The following RIMS1 variants were observed in gnomAD, a reference collection of about 807,000 sequenced individuals.
RIMS1 encodes the protein regulating synaptic membrane exocytosis 1.
Under a neutral mutation model 214.1 loss-of-function variants are expected in RIMS1, and 83 were observed. That is an observed-to-expected ratio of 0.39 (90% CI 0.32 to 0.47). RIMS1 has a LOEUF of 0.47. Among genes scored for constraint, RIMS1 ranks in the 20% least tolerant of loss-of-function variants. RIMS1 has a pLI of 0.99. For missense variants in RIMS1, 2,050 were observed against 2,161.8 expected (o/e 0.95, Z 1.03); for synonymous variants, 793 against 786.8 (o/e 1.01, Z -0.13).
chr6:72,341,428 A>G (rs932437184), intron 29 of RIMS1, among the ~76,000 whole-genome samples: 16 of 151,844 alleles, frequency 1.1e-4, no homozygotes, highest in African/African-American at 3.4e-4. Context: ...CAGATCTCAA[A>G]TCAAATAAGC....
At chr6:72,160,424 A>T (rs1335146224) in intron 4 of RIMS1, among the ~76,000 whole-genome samples, 1 of 139,508 alleles carries the variant, frequency 7.2e-6, no homozygotes, top group Non-Finnish European at 1.6e-5. Flanking sequence ...CACTATGTTG[A>T]ATAGGAGTGG....
At chr6:72,105,693 G>A (rs2034603993) in intron 4 of RIMS1, among the ~76,000 whole-genome samples, 1 of 152,062 alleles carries the variant, frequency 6.6e-6, no homozygotes, top group Non-Finnish European at 1.5e-5. Flanking sequence ...TATACGTATA[G>A]TATAACTATA....
intron 28 of RIMS1, among the ~76,000 whole-genome samples, chr6:72,318,332 C>T (rs2095935767): frequency 6.6e-6 from 1 of 151,972 alleles, no homozygotes. Flanking sequence ...TTCCCCCCTC[C>T]ATTACACTGG....
chr6:72,241,348 C>T (rs1256084546), intron 9 of RIMS1, among the ~76,000 whole-genome samples: 1 of 152,028 alleles, frequency 6.6e-6, no homozygotes, highest in African/African-American at 2.4e-5. Context: ...CTCAGTGCAT[C>T]GAGGTTGAAA....
At chr6:72,139,198 A>G (rs888191421) in intron 4 of RIMS1, among the ~76,000 whole-genome samples, 1 of 152,276 alleles carries the variant, frequency 6.6e-6, no homozygotes, top group Admixed American at 6.5e-5. Flanking sequence ...AAAAAGTCCT[A>G]TTAGAGCTGT....
rs755354846 is a variant in RIMS1, at chr6:72,096,971, A to G, written c.268A>G (p.Ser90Gly). 1 of 1,613,624 alleles carries G rather than the reference A, an allele frequency of 6.2e-7. No individual in the cohort carries two copies. The highest frequency in any genetic ancestry group is 1.1e-5 in the South Asian group (1 of 91,020). ...PSPRLHQQFE[S>G]YKEQVRKIGE... ...TAGGAGATTGCATCAACAGTTTGAA[A>G]GCTATAAGGAACAAGTGAGAAAAAT... The change falls in exon 3 of 34, where the codon AGC (serine) becomes GGC (glycine). Residue 90 changes from serine to glycine, a missense_variant. By Grantham distance (56) the Ser-to-Gly change is moderately conservative (BLOSUM62 0). This residue lies in a region of RIMS1 where 882 missense variants were observed against 828.9 expected (regional missense o/e 1.06). Coordinates refer to ENST00000521978, the MANE Select transcript of RIMS1 (RefSeq NM_014989.7).
At chr6:71,902,133 G>A (rs1158838089) in intron 1 of RIMS1, among the ~76,000 whole-genome samples, 1 of 152,080 alleles carries the variant, frequency 6.6e-6, no homozygotes, top group East Asian at 1.9e-4. Context: ...AGTGGAGGAG[G>A]TGGTTTGAAT....
At chr6:72,156,549 C>G (rs78357901) in intron 4 of RIMS1, among the ~76,000 whole-genome samples, 2 of 140,040 alleles carry the variant, frequency 1.4e-5, no homozygotes, top group Non-Finnish European at 3.2e-5. Flanking sequence ...GCCTAAAATA[C>G]AGCATGTTGA....
At chr6:72,202,168 G>A (rs1203043645) in intron 6 of RIMS1, among the ~76,000 whole-genome samples, 3 of 152,108 alleles carry the variant, frequency 2.0e-5, no homozygotes, top group Non-Finnish European at 4.4e-5. Context: ...CCCTTCTGAG[G>A]CTGCTGTGTA....
intron 9 of RIMS1, among the ~76,000 whole-genome samples, chr6:72,241,187 A>G (rs1434108363): frequency 6.6e-6 from 1 of 152,352 alleles, no homozygotes; most frequent in East Asian, 1.9e-4. Flanking sequence ...AATTCTAGGT[A>G]TACATTGAAA....
At chr6:72,276,842 C>T (rs1360034114) in intron 23 of RIMS1, among the ~76,000 whole-genome samples, 1 of 152,170 alleles carries the variant, frequency 6.6e-6, no homozygotes, top group Non-Finnish European at 1.5e-5. Flanking sequence ...CATTTCTCAT[C>T]AGCTTTATTT....
intron 19 of RIMS1, chr6:72,262,498 A>T (rs768023090): frequency 1.8e-5 from 18 of 985,208 alleles, no homozygotes; most frequent in Non-Finnish European, 2.2e-5. Context: ...TGCGAAACAT[A>T]TGTCACCAGT....
chr6:72,344,792 T>C (rs570380370), intron 29 of RIMS1, among the ~76,000 whole-genome samples: 10 of 151,926 alleles, frequency 6.6e-5, no homozygotes, highest in African/African-American at 2.4e-4. Context: ...GGATTAGTAT[T>C]TTCAAACATA....
intron 24 of RIMS1, among the ~76,000 whole-genome samples, chr6:72,290,333 T>C (rs1288216925): frequency 6.6e-6 from 1 of 152,190 alleles, no homozygotes; most frequent in Non-Finnish European, 1.5e-5. Flanking sequence ...TATTGAGCTC[T>C]TGCTATCTGT....
intron 22 of RIMS1, chr6:72,266,364 G>A (rs2080530070): frequency 2.5e-6 from 1 of 397,420 alleles, no homozygotes; most frequent in East Asian, 5.7e-5. Flanking sequence ...GAAACCTTCA[G>A]TATGCTGATA....
chr6:72,195,285 C>T (rs1013581814), intron 6 of RIMS1, among the ~76,000 whole-genome samples: 2 of 152,168 alleles, frequency 1.3e-5, no homozygotes, highest in African/African-American at 2.4e-5. Context: ...TGAATTTCTA[C>T]AGTGCTTTGT....
At chr6:72,218,406 A>G (rs2057155435) in intron 6 of RIMS1, among the ~76,000 whole-genome samples, 1 of 152,180 alleles carries the variant, frequency 6.6e-6, no homozygotes, top group Non-Finnish European at 1.5e-5. Flanking sequence ...ATGTTTTTCA[A>G]GAGGTCTACT....
intron 2 of RIMS1, among the ~76,000 whole-genome samples, chr6:72,009,032 C>A (rs559530247): frequency 3.2e-4 from 49 of 152,342 alleles, no homozygotes; most frequent in Non-Finnish European, 5.1e-4. Flanking sequence ...TTCTTCTCAG[C>A]ACCACACCAC....
chr6:72,177,008 A>G (rs1588588231), intron 4 of RIMS1, among the ~76,000 whole-genome samples: 1 of 152,350 alleles, frequency 6.6e-6, no homozygotes, highest in East Asian at 1.9e-4. Flanking sequence ...ACGTTTAAAA[A>G]TGTGAAGCAA....
Sources: allele counts gnomAD v4.1 joint callset (sites outside exome capture counted in the v4.1 genomes callset), GRCh38; gene constraint gnomAD v4.1.1; regional missense constraint gnomAD v4.1.1; transcripts MANE v1.5; gene names NCBI Gene and HGNC (gene_info 2026-07-23, HGNC 2026-07-21).